The following SH3D21 variants were observed in gnomAD, a reference collection of about 807,000 sequenced individuals.
SH3D21 encodes SH3 domain-containing protein 21.
A neutral mutation model predicts 82.1 loss-of-function variants in SH3D21; 83 were observed. The ratio of observed to expected loss-of-function variants is 1.01; its 90% CI spans 0.85 to 1.21. The LOEUF is 1.21. Among genes scored for constraint, SH3D21 ranks in the 50% most tolerant of loss-of-function variants. The probability of loss-of-function intolerance (pLI) is 0.00; values close to 1 mark genes in which losing one functional copy is unlikely to be tolerated. For missense variants in SH3D21, 980 were observed against 962.1 expected (o/e 1.02, Z -0.25); for synonymous variants, 383 against 387.8 (o/e 0.99, Z 0.15).
At chr1:36,318,540 G>T (rs529128861) in intron 10 of SH3D21, among the ~76,000 whole-genome samples, 1 of 152,124 alleles carries the variant, frequency 6.6e-6, no homozygotes, top group Non-Finnish European at 1.5e-5. Flanking sequence ...GGAGGCCTGA[G>T]GCAGGCTGGG....
At position 36,306,946 on chromosome 1, in the gene SH3D21, A is replaced by G. The variant is rs1376935436; in HGVS notation, c.226+41A>G. 4 of 1,341,864 alleles carry G rather than the reference A, an allele frequency of 3.0e-6. No homozygotes were observed. The African/African-American group carries it at 4.6e-5, about 15-fold the overall frequency. 83.1% of individuals were successfully genotyped at this position (1,341,864 alleles called of 1,614,324 possible). On this transcript the variant is annotated intron_variant, in intron 3 of 15. Transcript: ENST00000453908. This position sits in a 1 kb window ranked among gnomAD's most constrained non-coding sequence, Gnocchi z 4.5. ...GGGACGGGCGCCGGTGGGCGGGTGCACGGAGCCAGTGCGACCCCGGCGTCT... is the reference window on the plus strand; with the variant it reads ...GGGACGGGCGCCGGTGGGCGGGTGCGCGGAGCCAGTGCGACCCCGGCGTCT...
rs377323059 is a variant in SH3D21 at position 36,319,820 on chromosome 1, C to T, written c.1157C>T (p.Pro386Leu). Residue 386 changes from proline (P) to leucine (L), a missense_variant, in exon 14 of 16, where the codon CCA becomes CTA. Transcript: ENST00000453908. ...KIPAPDKVPS[P>L]EKTLTLGDKA... ...CCGGCTCCTGACAAAGTCCCCTCCC[C>T]AGAGAAGACCCTCACTCTAGGGGAC... The T allele has an allele frequency of 4.3e-6, 7 of 1,613,992 alleles. No homozygotes were observed. Among genetic ancestry groups the T allele is most frequent in the Non-Finnish European group, 5.9e-6 (7 of 1,179,964 alleles).
chr1:36,315,248 C>T (rs1394893649), intron 10 of SH3D21, among the ~76,000 whole-genome samples: 1 of 151,940 alleles, frequency 6.6e-6, no homozygotes, highest in Non-Finnish European at 1.5e-5. Context: ...TGCACTCCAG[C>T]CTAGGTGACA....
downstream of SH3D21, among the ~76,000 whole-genome samples, chr1:36,329,718 GTAAGGGGT>G (rs1646575714): frequency 6.6e-6 from 1 of 152,114 alleles, no homozygotes; most frequent in Non-Finnish European, 1.5e-5. Context: ...AAAAAAATGA[GTAAGGGGT>G]TAGAGAAGTC....
chr1:36,325,186 G>A (rs114363124), downstream of SH3D21, among the ~76,000 whole-genome samples: 1,120 of 152,138 alleles, frequency 7.4e-3, 7 homozygotes, highest in South Asian at 0.016. Flanking sequence ...GACCACAGGC[G>A]TGCACCACCA....
chr1:36,325,819 C>T (rs186182366), downstream of SH3D21, among the ~76,000 whole-genome samples: 58 of 152,330 alleles, frequency 3.8e-4, no homozygotes, highest in South Asian at 6.8e-3. Context: ...GCAGGGATTA[C>T]GGGCGTGAGC....
chr1:36,320,655 A>G lies in SH3D21; in HGVS notation c.1992A>G (p.Pro664=). The G allele has an allele frequency of 1.2e-6, 2 of 1,614,260 alleles. No individual in the cohort carries two copies. Among genetic ancestry groups the G allele is most frequent in the Non-Finnish European group, 1.7e-6 (2 of 1,180,038 alleles). The change falls in exon 14 of 16, where the codon CCA becomes CCG. Residue 664 remains proline (P), a synonymous_variant. Transcript: ENST00000453908. The part of the protein sequence containing the change: ...AQKTRPIKPP[P]DSQETLALPS... Reference sequence around the variant, plus strand: ...AAACACGTCCTATCAAGCCGCCTCCAGACTCCCAAGAGACGCTCGCGCTCC... The same window carrying G: ...AAACACGTCCTATCAAGCCGCCTCCGGACTCCCAAGAGACGCTCGCGCTCC...
chr1:36,328,210 GC>G (rs1344105810), downstream of SH3D21: 2 of 445,632 alleles, frequency 4.5e-6, no homozygotes, highest in Non-Finnish European at 9.1e-6. Flanking sequence ...GAGATCCAGA[GC>G]CTATGGGAGG....
At chr1:36,314,345 A>T (rs1273361729) in intron 10 of SH3D21, among the ~76,000 whole-genome samples, 3 of 151,684 alleles carry the variant, frequency 2.0e-5, no homozygotes. Flanking sequence ...TGCCCATTTA[A>T]AAAATTGGAT....
chr1:36,306,831 C>T lies in SH3D21; in HGVS notation c.163-11C>T. 2.3e-6 allele frequency: 3 copies of T among 1,296,074 alleles called. No homozygotes were observed. The highest frequency in any genetic ancestry group is 3.0e-6 in the Non-Finnish European group (3 of 989,760). 80.3% of individuals were successfully genotyped at this position (1,296,074 alleles called of 1,614,324 possible). Reference sequence around the variant, plus strand: ...GAGCTGAGAGCGCCTTCCCCGTGCCCTGATTCCCAGGAGATCCCAGAGACC... The same window carrying T: ...GAGCTGAGAGCGCCTTCCCCGTGCCTTGATTCCCAGGAGATCCCAGAGACC... On this transcript the variant is annotated splice_polypyrimidine_tract_variant and intron_variant, in intron 2 of 15. Coordinates refer to ENST00000453908, the MANE Select transcript of SH3D21 (RefSeq NM_001162530.2). The surrounding 1 kb of genome is among the most constrained non-coding windows in gnomAD (Gnocchi z 4.5).
At position 36,307,934 on chromosome 1, in the gene SH3D21, A is replaced by G. The variant is rs1409441283; in HGVS notation, c.509A>G (p.Tyr170Cys). 1 of 1,551,672 alleles carries G rather than the reference A, an allele frequency of 6.4e-7. No individual in the cohort carries two copies. The highest frequency in any genetic ancestry group is 8.7e-7 in the Non-Finnish European group (1 of 1,146,990). ...QRPPKLSSLA[Y>C]DSPPDYLQTV... ...CCCCACTAGCTGAGCAGCCTGGCCT[A>G]TGACAGCCCTCCAGACTACCTGCAG... The change falls in exon 7 of 16, where the codon TAT becomes TGT. Residue 170 changes from tyrosine (Y) to cysteine (C), a missense_variant. By Grantham distance (194) the Tyr-to-Cys change is radical. Coordinates refer to ENST00000453908, the MANE Select transcript of SH3D21 (RefSeq NM_001162530.2). This position sits in a 1 kb window ranked among gnomAD's most constrained non-coding sequence, Gnocchi z 5.4.
downstream of SH3D21, chr1:36,323,171 T>A: frequency 1.0e-6 from 1 of 953,346 alleles, no homozygotes; most frequent in Non-Finnish European, 1.5e-6. Flanking sequence ...GGTTCCACCC[T>A]GGAGAGAGCG....
chr1:36,313,894 C>T (rs1646286806), intron 10 of SH3D21, among the ~76,000 whole-genome samples: 3 of 150,978 alleles, frequency 2.0e-5, no homozygotes, highest in South Asian at 4.2e-4. Context: ...TGACAACTGT[C>T]CTAGTGGGTA....
In SH3D21 at chr1:36,308,183, G is replaced by C. The variant is rs1270556793; in HGVS notation, c.613G>C (p.Gly205Arg). Residue 205 changes from glycine to arginine, a missense_variant, in exon 8 of 16, where the codon GGG becomes CGG. Gly to Arg is a moderately radical substitution (Grantham distance 125). Transcript: ENST00000453908. ...EAPDELALRR[G>R]DVVKVLSKTT... ...CCCAGACGAGTTGGCGCTGCGGAGG[G>C]GGGACGTGGTAAAAGTACTCAGCAA... The C allele has an allele frequency of 1.9e-6, 3 of 1,546,152 alleles. No homozygotes were observed. The East Asian group carries it at 7.3e-5, about 38-fold the overall frequency.
Position 36,308,179 on chromosome 1 carries a change from G to T in SH3D21, c.609G>T (p.Arg203=), listed in dbSNP as rs942122925. 4 of 1,547,244 alleles carry T rather than the reference G, an allele frequency of 2.6e-6. No individual in the cohort carries two copies. Among genetic ancestry groups the T allele is most frequent in the Non-Finnish European group, 3.5e-6 (4 of 1,144,692 alleles). ...QPEAPDELAL[R]RGDVVKVLSK... ...AGGCCCCAGACGAGTTGGCGCTGCG[G>T]AGGGGGGACGTGGTAAAAGTACTCA... The change falls in exon 8 of 16, where the codon CGG becomes CGT. Residue 203 remains arginine, a synonymous_variant. Coordinates refer to ENST00000453908, the MANE Select transcript of SH3D21 (RefSeq NM_001162530.2).
chr1:36,307,065 C>T lies in SH3D21; in HGVS notation c.227-102C>T, dbSNP rs1354404770. Reference sequence around the variant, plus strand: ...TCGAGTGCAATGCTCCGCCCTGGGGCGGGGCTGGAGGGACCAAAGGCTACG... The same window carrying T: ...TCGAGTGCAATGCTCCGCCCTGGGGTGGGGCTGGAGGGACCAAAGGCTACG... On this transcript the variant is annotated intron_variant, in intron 3 of 15. Transcript: ENST00000453908. The surrounding 1 kb of genome is among the most constrained non-coding windows in gnomAD (Gnocchi z 5.4). 1.0e-5 allele frequency: 15 copies of T among 1,498,964 alleles called. No homozygotes were observed. The highest frequency in any genetic ancestry group is 1.4e-5 in the African/African-American group (1 of 71,594). The allele number at this position is 1,498,964 out of a possible 1,614,324, so 92.9% of individuals were successfully genotyped here.
chr1:36,322,345 C>T, downstream of SH3D21: 2 of 1,579,578 alleles, frequency 1.3e-6, no homozygotes, highest in Non-Finnish European at 1.7e-6. Context: ...GGGCTGGGCC[C>T]CAGCGTGCCT....
rs1282499852 is a variant in SH3D21, at chr1:36,319,523, CTG to C, written c.1002_1003del (p.Ser335GlnfsTer46). 3 of 1,551,556 alleles carry C rather than the reference CTG, an allele frequency of 1.9e-6. No homozygotes were observed. In the African/African-American group the frequency reaches 4.1e-5, roughly 21 times the overall value. ...AAAACCCAGACTCCCCAGCAACGCT[CTG>C]TGTCCAGTCAGGTGAGGGGCGGGAG... On this transcript the variant is annotated frameshift_variant, in exon 13 of 16. Transcript: ENST00000453908. LOFTEE classifies it high-confidence loss of function.
At chr1:36,322,588 G>T (rs775700586), downstream of SH3D21, 23 of 1,569,856 alleles carry the variant, frequency 1.5e-5, no homozygotes, top group South Asian at 2.3e-4. Flanking sequence ...GTGCTGCTGC[G>T]GGGGTCCCGG....
Sources: gnomAD v4.1 joint callset for allele counts (sites outside exome capture counted in the v4.1 genomes callset) on GRCh38, gnomAD v4.1.1 for gene constraint, Gnocchi (gnomAD v3.1) non-coding constraint, MANE v1.5 for transcripts, NCBI Gene and HGNC (gene_info 2026-07-23, HGNC 2026-07-21) for gene names.